Variants in MMP26 observed in about 807,000 individuals in gnomAD.
MMP26 encodes the protein matrix metalloproteinase-26.
MMP26 carries 33 observed loss-of-function variants against 31.0 expected under a neutral mutation model. The ratio of observed to expected loss-of-function variants is 1.06; its 90% CI spans 0.81 to 1.42. The LOEUF (loss-of-function observed/expected upper bound fraction) is 1.42, where lower values mean the gene tolerates loss of function less well. Among genes scored for constraint, MMP26 ranks in the 40% most tolerant of loss-of-function variants. MMP26 has a pLI of 0.00. For synonymous variants in MMP26, 122 were observed against 114.9 expected, an observed-to-expected ratio of 1.06 and a Z score of -0.40; for missense variants, 347 against 316.1, an observed-to-expected ratio of 1.10 and a Z score of -0.74.
chr11:4,763,738 A>C (rs1848595443), intron 1 of MMP26, among the ~76,000 whole-genome samples: 1 of 152,244 alleles, frequency 6.6e-6, no homozygotes, highest in South Asian at 2.1e-4. Flanking sequence ...TTAACAAAAC[A>C]GCAATGAGTA....
chr11:4,821,777 C>A, intron 2 of MMP26: 1 of 1,613,454 alleles, frequency 6.2e-7, no homozygotes, highest in South Asian at 1.1e-5. Flanking sequence ...GTTCTACTGG[C>A]CATGGCCTTT....
intron 2 of MMP26, among the ~76,000 whole-genome samples, chr11:4,784,460 A>T (rs138751775): frequency 1.3e-5 from 2 of 152,234 alleles, no homozygotes; most frequent in Admixed American, 6.5e-5. Context: ...TATGGTAATG[A>T]TCACAAGATG....
At chr11:4,884,845 C>A (rs1850527474) in intron 2 of MMP26, among the ~76,000 whole-genome samples, 1 of 152,038 alleles carries the variant, frequency 6.6e-6, no homozygotes, top group Non-Finnish European at 1.5e-5. Context: ...ATTTTTGGAT[C>A]ATAATTTATT....
chr11:4,915,350 T>G (rs1201974313), intron 2 of MMP26: 20 of 1,613,814 alleles, frequency 1.2e-5, no homozygotes, highest in Non-Finnish European at 1.7e-5. Context: ...GAAAAAGAGC[T>G]GAGCAAAGCA....
rs1846329590 is a variant in MMP26 at position 4,947,417 on chromosome 11, G to A, written c.-144-40651G>A. On this transcript the variant is annotated intron_variant, in intron 2 of 7. Transcript: ENST00000380390. ...TTCCTGTAAAATATTAGTAAACGCTGGTCAATTAACTGGAATCTTCTATTT... is the reference window on the plus strand; with the variant it reads ...TTCCTGTAAAATATTAGTAAACGCTAGTCAATTAACTGGAATCTTCTATTT... The A allele has an allele frequency of 4.7e-5, 10 of 211,502 alleles. 1 individual carries two copies. The South Asian group carries it at 8.7e-4, about 18-fold the overall frequency. The allele number at this position is 211,502 out of a possible 1,614,324, so 13.1% of individuals were successfully genotyped here.
Position 4,722,525 on chromosome 11 carries a change from G to GAA in MMP26, c.-217+17491_-217+17492dup, listed in dbSNP as rs373387254. 9.4e-4 allele frequency among the ~76,000 whole-genome samples: 94 copies of GAA among 100,410 alleles called. 1 individual carries two copies. Among genetic ancestry groups the GAA allele is most frequent in the Middle Eastern group, 9.1e-3 (1 of 110 alleles). 65.9% of individuals were successfully genotyped at this position (100,410 alleles called of 152,430 possible). On this transcript the variant is annotated intron_variant, in intron 1 of 7. Transcript: ENST00000380390. Reference sequence around the variant, plus strand: ...TTAGCTGAGGATTTATTTAGGACAGGAAAAAAAAAAAAGCAATTGAATTGT... The same window carrying GAA: ...TTAGCTGAGGATTTATTTAGGACAGGAAAAAAAAAAAAAAGCAATTGAATTGT...
At chr11:4,849,092 G>A (rs1849934268) in intron 2 of MMP26, 2 of 1,614,118 alleles carry the variant, frequency 1.2e-6, no homozygotes, top group South Asian at 2.2e-5. Flanking sequence ...AGACAGCAAT[G>A]AGGGGCAATG....
intron 1 of MMP26, among the ~76,000 whole-genome samples, chr11:4,745,944 T>C (rs1848374486): frequency 6.6e-6 from 1 of 152,218 alleles, no homozygotes; most frequent in Non-Finnish European, 1.5e-5. Context: ...TAGCTAATTT[T>C]AATGCCGAAT....
intron 2 of MMP26, among the ~76,000 whole-genome samples, chr11:4,887,367 C>T (rs1399353005): frequency 6.6e-6 from 1 of 152,042 alleles, no homozygotes; most frequent in African/African-American, 2.4e-5. Flanking sequence ...TTGAGAGAAA[C>T]AAACAATATT....
At chr11:4,838,810 C>T (rs1849756612) in intron 2 of MMP26, among the ~76,000 whole-genome samples, 1 of 152,192 alleles carries the variant, frequency 6.6e-6, no homozygotes, top group Admixed American at 6.5e-5. Context: ...ACTGATTTAA[C>T]ACCTGTACAT....
chr11:4,710,411 T>G (rs1420044421), intron 1 of MMP26: 1 of 457,022 alleles, frequency 2.2e-6, no homozygotes, highest in South Asian at 1.5e-5. Flanking sequence ...TTGCCAATGT[T>G]TATCTGCTTA....
At chr11:4,789,812 A>G (rs1437269613) in intron 2 of MMP26, among the ~76,000 whole-genome samples, 5 of 151,720 alleles carry the variant, frequency 3.3e-5, no homozygotes, top group Non-Finnish European at 7.4e-5. Flanking sequence ...AGTGCTGGGA[A>G]GCACTTCACA....
At chr11:4,803,618 A>G (rs560063488) in intron 2 of MMP26, 18 of 1,614,060 alleles carry the variant, frequency 1.1e-5, no homozygotes, top group Non-Finnish European at 1.4e-5. Flanking sequence ...GCTGGGATAT[A>G]AAGAGCCAAG....
chr11:4,791,305 A>G (rs993070345), intron 2 of MMP26, among the ~76,000 whole-genome samples: 4 of 152,224 alleles, frequency 2.6e-5, no homozygotes, highest in Non-Finnish European at 5.9e-5. Flanking sequence ...TTAATCCTTT[A>G]GATTCCAATA....
chr11:4,787,214 C>T (rs1848959680), intron 2 of MMP26: 2 of 152,294 alleles, frequency 1.3e-5, no homozygotes. Flanking sequence ...GTCCTAAGAA[C>T]ATTGATCAGC....
At chr11:4,829,029 T>C (rs973708719) in intron 2 of MMP26, among the ~76,000 whole-genome samples, 1 of 152,126 alleles carries the variant, frequency 6.6e-6, no homozygotes, top group African/African-American at 2.4e-5. Context: ...CTAGGGGACC[T>C]AAGGCTTTAG....
At chr11:4,938,551 T>A (rs577351285) in intron 2 of MMP26, among the ~76,000 whole-genome samples, 1 of 152,296 alleles carries the variant, frequency 6.6e-6, no homozygotes, top group East Asian at 1.9e-4. Context: ...TGGAACTTGT[T>A]AAATTATCAA....
intron 2 of MMP26, among the ~76,000 whole-genome samples, chr11:4,933,102 C>T (rs993867886): frequency 2.0e-5 from 3 of 151,800 alleles, no homozygotes; most frequent in Non-Finnish European, 4.4e-5. Flanking sequence ...TGTGGAATAT[C>T]GTAGGAAAAT....
chr11:4,819,702 C>T (rs1221276612), intron 2 of MMP26, among the ~76,000 whole-genome samples: 1 of 149,546 alleles, frequency 6.7e-6, no homozygotes, highest in Non-Finnish European at 1.5e-5. Context: ...TTCAGCTTAC[C>T]CAGTAGTTGG....
Sources: allele counts gnomAD v4.1 joint callset (sites outside exome capture counted in the v4.1 genomes callset), GRCh38; gene constraint gnomAD v4.1.1; transcripts MANE v1.5; gene names NCBI Gene and HGNC (gene_info 2026-07-23, HGNC 2026-07-21).